The following SP140L variants were observed in gnomAD, a reference collection of about 807,000 sequenced individuals.
The protein encoded by SP140L is SP140 like nuclear body protein, also known as nuclear body protein SP140-like protein.
A neutral mutation model predicts 84.3 loss-of-function variants in SP140L; 64 were observed. That is an observed-to-expected ratio of 0.76 (90% CI 0.62 to 0.94). SP140L has a LOEUF of 0.94. Among genes scored for constraint, SP140L ranks in the 40% least tolerant of loss-of-function variants. The probability of loss-of-function intolerance (pLI) is 0.00; values close to 1 mark genes in which losing one functional copy is unlikely to be tolerated. For missense variants in SP140L, 628 were observed against 692.5 expected (o/e 0.91, Z 1.05); for synonymous variants, 242 against 236.9 (o/e 1.02, Z -0.20).
At chr2:230,392,400 GCAACACAC>G (rs1327286216) in intron 12 of SP140L, among the ~76,000 whole-genome samples, 171 bp downstream of exon 12, 2 of 152,138 alleles carry the variant, frequency 1.3e-5, no homozygotes, top group Admixed American at 1.3e-4. Flanking sequence ...ACACTACAGT[GCAACACAC>G]TGATGTTGTA....
At chr2:230,356,953 G>A (rs904257211) in intron 2 of SP140L, among the ~76,000 whole-genome samples, 1 of 151,936 alleles carries the variant, frequency 6.6e-6, no homozygotes, top group Non-Finnish European at 1.5e-5. Context: ...CCTGCTTTAT[G>A]TTGTGTACTG....
chr2:230,344,450 T>C (rs182867091), intron 2 of SP140L, among the ~76,000 whole-genome samples: 13 of 152,328 alleles, frequency 8.5e-5, no homozygotes, highest in African/African-American at 2.9e-4. Flanking sequence ...GGCATACCGA[T>C]GGGTCATGGC....
At chr2:230,383,737 A>C (rs1321639831) in intron 8 of SP140L, among the ~76,000 whole-genome samples, 162 bp downstream of exon 8, 1 of 152,192 alleles carries the variant, frequency 6.6e-6, no homozygotes, top group Non-Finnish European at 1.5e-5. Flanking sequence ...CTGAGAATGC[A>C]ATGGCTTCAA....
chr2:230,400,658 A>G, intron 15 of SP140L: 1 of 588,650 alleles, frequency 1.7e-6, no homozygotes. Context: ...AGTTTCTGAC[A>G]CACAGGCCTG....
At chr2:230,392,297 T>A in intron 12 of SP140L, 68 bp downstream of exon 12, 1 of 1,600,094 alleles carries the variant, frequency 6.2e-7, no homozygotes, top group South Asian at 1.1e-5. Context: ...GGAGACTGTT[T>A]ATTCACCAAA....
At chr2:230,401,223 C>G (rs2062323010) in intron 16 of SP140L, 143 bp from the exon 17 acceptor site, 1 of 844,736 alleles carries the variant, frequency 1.2e-6, no homozygotes, top group Non-Finnish European at 1.8e-6. Context: ...CAAAAAATAA[C>G]TCAGCCATGA....
intron 7 of SP140L, among the ~76,000 whole-genome samples, chr2:230,380,355 G>C (rs911028121): frequency 2.0e-5 from 3 of 152,160 alleles, no homozygotes; most frequent in African/African-American, 7.2e-5. Flanking sequence ...TAGGGACACA[G>C]ACAAACCATG....
intron 9 of SP140L, among the ~76,000 whole-genome samples, chr2:230,387,354 T>C (rs2061627206): frequency 6.6e-6 from 1 of 152,188 alleles, no homozygotes; most frequent in Admixed American, 6.5e-5. Flanking sequence ...TGTTTGATCT[T>C]GGGATAAGAT....
chr2:230,352,910 T>C (rs2060409969), intron 2 of SP140L, among the ~76,000 whole-genome samples: 1 of 152,032 alleles, frequency 6.6e-6, no homozygotes, highest in South Asian at 2.1e-4. Flanking sequence ...CCTATATTGT[T>C]TTCTATTTAA....
At chr2:230,327,536 G>C (rs1325367989) in intron 1 of SP140L, among the ~76,000 whole-genome samples, 1 of 152,214 alleles carries the variant, frequency 6.6e-6, no homozygotes, top group African/African-American at 2.4e-5. Context: ...GACTTTTCTT[G>C]TTTTGAAACT....
chr2:230,348,712 A>T (rs2060281138), intron 2 of SP140L, among the ~76,000 whole-genome samples: 1 of 152,192 alleles, frequency 6.6e-6, no homozygotes, highest in South Asian at 2.1e-4. Flanking sequence ...AAAAGATTTC[A>T]GTTTTGTTAA....
chr2:230,328,959 G>A (rs2059653435), intron 2 of SP140L, 128 bp downstream of exon 2: 1 of 1,376,354 alleles, frequency 7.3e-7, no homozygotes. Context: ...TTTTGCCAAT[G>A]TGATTCAGTT....
intron 5 of SP140L, among the ~76,000 whole-genome samples, chr2:230,370,041 G>A (rs1158606414): frequency 6.6e-6 from 1 of 152,034 alleles, no homozygotes; most frequent in East Asian, 1.9e-4. Context: ...CAAAGTGCTG[G>A]GATTACAGGC....
At chr2:230,362,661 A>G (rs1418671382) in intron 5 of SP140L, among the ~76,000 whole-genome samples, 1 of 152,172 alleles carries the variant, frequency 6.6e-6, no homozygotes, top group East Asian at 1.9e-4. Flanking sequence ...AATGCTCCTG[A>G]CTGCCATGGA....
At chr2:230,340,861 G>A (rs1164095964) in intron 2 of SP140L, among the ~76,000 whole-genome samples, 57 of 145,032 alleles carry the variant, frequency 3.9e-4, no homozygotes, top group Admixed American at 2.4e-3. Flanking sequence ...TGAGAGATCC[G>A]CTGTTAGTCT....
intron 7 of SP140L, among the ~76,000 whole-genome samples, chr2:230,375,349 A>T (rs2061209488): frequency 6.6e-6 from 1 of 152,166 alleles, no homozygotes. Flanking sequence ...ACTGTGAATT[A>T]TGCTGCAATG....
chr2:230,342,811 C>CT (rs986251921), intron 2 of SP140L, among the ~76,000 whole-genome samples: 2 of 148,722 alleles, frequency 1.3e-5, no homozygotes, highest in Non-Finnish European at 3.0e-5. Flanking sequence ...AAGATTTATC[C>CT]TTTTTTTTAA....
At chr2:230,365,006 G>T (rs114749274) in intron 5 of SP140L, among the ~76,000 whole-genome samples, 1 of 152,010 alleles carries the variant, frequency 6.6e-6, no homozygotes, top group Non-Finnish European at 1.5e-5. Flanking sequence ...CATGGTGAGT[G>T]TGCTGTTGAA....
chr2:230,352,812 G>GTATA lies in SP140L; in HGVS notation c.108-4979_108-4976dup, dbSNP rs149575060. ...CCAAAATATGCATATGTGTATGTGT[G>GTATA]TATATATATATATATATTTGTATAC... On this transcript the variant is annotated intron_variant, in intron 2 of 18. Transcript: ENST00000415673. 8.8e-4 allele frequency among the ~76,000 whole-genome samples: 131 copies of GTATA among 148,280 alleles called. 3 individuals are homozygous for GTATA. The highest frequency in any genetic ancestry group is 2.9e-3 in the African/African-American group (119 of 40,648).
Sources: gnomAD v4.1 joint callset for allele counts (sites outside exome capture counted in the v4.1 genomes callset) on GRCh38, gnomAD v4.1.1 for gene constraint, MANE v1.5 for transcripts, NCBI Gene and HGNC (gene_info 2026-07-23, HGNC 2026-07-21) for gene names.